The following HUNK variants were observed in gnomAD, a reference collection of about 807,000 sequenced individuals.
HUNK encodes hormonally up-regulated Neu-associated kinase, also known as hormonally up-regulated neu tumor-associated kinase.
In HUNK, 21 loss-of-function variants were observed where a neutral mutation model predicts 61.0. The ratio of observed to expected loss-of-function variants is 0.34; its 90% confidence interval spans 0.24 to 0.50. The LOEUF is 0.50. HUNK is among the 20% of genes least tolerant of loss of function. The pLI is 0.98. For missense variants in HUNK, 772 were observed against 945.7 expected (o/e 0.82, Z 2.41); for synonymous variants, 371 against 386.1 (o/e 0.96, Z 0.46).
At chr21:31,900,879 C>T (rs900749734) in intron 1 of HUNK, among the ~76,000 whole-genome samples, 12 of 152,112 alleles carry the variant, frequency 7.9e-5, no homozygotes, top group Non-Finnish European at 1.2e-4. Flanking sequence ...GACCTTAGAA[C>T]AACGGAAACT....
intron 1 of HUNK, among the ~76,000 whole-genome samples, chr21:31,904,156 A>C (rs1348856029): frequency 1.8e-4 from 28 of 152,030 alleles, no homozygotes; most frequent in Admixed American, 1.8e-3. Context: ...TATTCACCAC[A>C]AAAGATTGGC....
At chr21:31,892,855 C>A (rs925581365) in intron 1 of HUNK, among the ~76,000 whole-genome samples, 3 of 152,160 alleles carry the variant, frequency 2.0e-5, no homozygotes, top group Non-Finnish European at 4.4e-5. Context: ...ATTCCACTTT[C>A]CTCTTGCCCA....
At chr21:31,901,017 C>G (rs2052463388) in intron 1 of HUNK, among the ~76,000 whole-genome samples, 1 of 152,288 alleles carries the variant, frequency 6.6e-6, no homozygotes, top group African/African-American at 2.4e-5. Context: ...GGCAGCACGA[C>G]TCCAGCCTTC....
rs191941440 is a variant in HUNK, at chr21:31,980,971, T to C, written c.1174-2555T>C. 8.2e-3 allele frequency among the ~76,000 whole-genome samples: 1,243 copies of C among 152,372 alleles called. 18 individuals carry two copies. Among genetic ancestry groups the C allele is most frequent in the African/African-American group, 0.028 (1,158 of 41,594 alleles). ...CACCTGCCTTGGCCTCCCAAAGTGC[T>C]GGGATTACAGGCATGAGCCACTGTG... On this transcript the variant is annotated intron_variant, in intron 7 of 10. Coordinates refer to ENST00000270112, the MANE Select transcript of HUNK (RefSeq NM_014586.2).
intron 8 of HUNK, among the ~76,000 whole-genome samples, chr21:31,985,259 G>A (rs886293847): frequency 1.3e-5 from 2 of 152,302 alleles, no homozygotes; most frequent in Admixed American, 1.3e-4. Context: ...ACTGAGCCTG[G>A]CCTCTCCCCT....
At chr21:31,989,700 C>T (rs972452135) in intron 8 of HUNK, among the ~76,000 whole-genome samples, 21 of 124,864 alleles carry the variant, frequency 1.7e-4, no homozygotes, top group African/African-American at 6.6e-4. Context: ...TGTGACAGAG[C>T]GAGACTCGGT....
chr21:31,882,782 G>T (rs538967684), intron 1 of HUNK, among the ~76,000 whole-genome samples: 14 of 152,142 alleles, frequency 9.2e-5, no homozygotes, highest in Non-Finnish European at 1.9e-4. Flanking sequence ...TTGTACCCAT[G>T]AACCAGCTTC....
chr21:31,905,090 A>G (rs1467561536), intron 1 of HUNK, among the ~76,000 whole-genome samples: 1 of 134,578 alleles, frequency 7.4e-6, no homozygotes, highest in East Asian at 2.1e-4. Context: ...AAAAAAAAAA[A>G]GAGGTAGTTG....
chr21:31,980,349 C>T (rs1221670365), intron 7 of HUNK, among the ~76,000 whole-genome samples: 4 of 148,880 alleles, frequency 2.7e-5, no homozygotes, highest in South Asian at 2.1e-4. Context: ...GGATTATAGG[C>T]GTGAGCCACC....
intron 2 of HUNK, among the ~76,000 whole-genome samples, chr21:31,927,019 TTTC>T (rs1455561963): frequency 1.3e-5 from 2 of 151,916 alleles, no homozygotes; most frequent in African/African-American, 4.8e-5. Context: ...TTCTTTTTTC[TTTC>T]TTATTTCTTT....
At chr21:31,877,854 G>A (rs1029261540) in intron 1 of HUNK, among the ~76,000 whole-genome samples, 2 of 152,034 alleles carry the variant, frequency 1.3e-5, no homozygotes. Context: ...CATAACAAGT[G>A]CCCCCCGCCC....
intron 8 of HUNK, among the ~76,000 whole-genome samples, chr21:31,986,374 C>T (rs1372114560): frequency 1.3e-5 from 2 of 152,086 alleles, no homozygotes; most frequent in Non-Finnish European, 2.9e-5. Flanking sequence ...TCTCTGTCTC[C>T]ATCCCCACAC....
chr21:31,967,556 C>CA (rs1568937000), intron 5 of HUNK, among the ~76,000 whole-genome samples: 1 of 151,982 alleles, frequency 6.6e-6, no homozygotes, highest in Non-Finnish European at 1.5e-5. Flanking sequence ...AAAGGAAACC[C>CA]AGGGCATTTA....
In HUNK at chr21:31,904,662, T is replaced by G. The variant is rs1020366943; in HGVS notation, c.262-19806T>G. Among the ~76,000 whole-genome samples the G allele has an allele frequency of 7.9e-5, 12 of 152,202 alleles. 1 individual carries two copies. Among genetic ancestry groups the G allele is most frequent in the Admixed American group, 3.3e-4 (5 of 15,282 alleles). ...GTCTTCCGTGTTTTAGATCTATTTC[T>G]TTTTTCCTTAGTTCTAGAATTCGTG... is the stretch of plus-strand genomic sequence containing the variant. On this transcript the variant is annotated intron_variant, in intron 1 of 10. Transcript: ENST00000270112.
chr21:31,995,589 G>A (rs1279501799), intron 9 of HUNK, among the ~76,000 whole-genome samples, 179 bp from the exon 10 acceptor site: 1 of 152,240 alleles, frequency 6.6e-6, no homozygotes, highest in Non-Finnish European at 1.5e-5. Flanking sequence ...GGCAGAGGGA[G>A]ATGGGCTTCC....
At chr21:31,923,724 T>C (rs1430752147) in intron 1 of HUNK, among the ~76,000 whole-genome samples, 1 of 152,120 alleles carries the variant, frequency 6.6e-6, no homozygotes, top group African/African-American at 2.4e-5. Context: ...CATCCTTCCT[T>C]CTGTTCTTCC....
At chr21:31,949,561 G>C (rs965080628) in intron 4 of HUNK, among the ~76,000 whole-genome samples, 1 of 150,738 alleles carries the variant, frequency 6.6e-6, no homozygotes, top group Non-Finnish European at 1.5e-5. Context: ...GAAGCTATGA[G>C]AGGAAGAATT....
chr21:31,988,686 TTTTC>T (rs1421708182), intron 8 of HUNK, among the ~76,000 whole-genome samples: 9 of 151,852 alleles, frequency 5.9e-5, no homozygotes, highest in Admixed American at 4.6e-4. Context: ...TTTCTTTTCT[TTTTC>T]TTTTTGCTTT....
At chr21:31,960,824 T>G (rs2052922955) in intron 5 of HUNK, among the ~76,000 whole-genome samples, 1 of 152,176 alleles carries the variant, frequency 6.6e-6, no homozygotes, top group African/African-American at 2.4e-5. Flanking sequence ...GAGATTTGGG[T>G]TGGGACACAG....
Sources: allele counts gnomAD v4.1 joint callset (sites outside exome capture counted in the v4.1 genomes callset), GRCh38; gene constraint gnomAD v4.1.1; transcripts MANE v1.5; gene names NCBI Gene and HGNC (gene_info 2026-07-23, HGNC 2026-07-21).